The following CCAR1 variants were observed in gnomAD, a reference collection of about 807,000 sequenced individuals.
CCAR1 encodes the protein cell division cycle and apoptosis regulator protein 1.
A neutral mutation model predicts 163.8 loss-of-function variants in CCAR1; 78 were observed. That is an observed-to-expected ratio of 0.48 (90% CI 0.40 to 0.57). CCAR1 has a LOEUF of 0.57. CCAR1 is among the 20% of genes least tolerant of loss of function. The probability of loss-of-function intolerance (pLI) is 0.00; values close to 1 mark genes in which losing one functional copy is unlikely to be tolerated. For missense variants in CCAR1, 1,019 were observed against 1,365.2 expected, an observed-to-expected ratio of 0.75 and a Z score of 4.00; for synonymous variants, 443 against 460.7, an observed-to-expected ratio of 0.96 and a Z score of 0.49.
intron 19 of CCAR1, among the ~76,000 whole-genome samples, chr10:68,779,251 CAAT>C (rs2056705197): frequency 1.9e-5 from 2 of 106,580 alleles, no homozygotes; most frequent in Admixed American, 2.4e-4. Context: ...GAGCAGATAA[CAAT>C]AAGATACTTT....
chr10:68,722,060 C>T (rs2055867329), intron 1 of CCAR1, among the ~76,000 whole-genome samples: 1 of 152,136 alleles, frequency 6.6e-6, no homozygotes, highest in Admixed American at 6.6e-5. Context: ...TTTAACATTA[C>T]CCTGGCCTCA....
intron 2 of CCAR1, among the ~76,000 whole-genome samples, chr10:68,732,209 A>C (rs2056048911): frequency 6.6e-6 from 1 of 152,170 alleles, no homozygotes; most frequent in African/African-American, 2.4e-5. Flanking sequence ...AAAATGTCAA[A>C]TGCAGAACAT....
rs571958861 is a variant in CCAR1, at chr10:68,721,258, C to T, written c.-75C>T. 1 of 178,482 alleles carries T rather than the reference C, an allele frequency of 5.6e-6. No individual in the cohort carries two copies. Among genetic ancestry groups the T allele is most frequent in the African/African-American group, 2.4e-5 (1 of 41,496 alleles). 11.1% of individuals were successfully genotyped at this position (178,482 alleles called of 1,614,324 possible). On this transcript the variant is annotated 5_prime_UTR_variant, in exon 1 of 25. Coordinates refer to ENST00000265872, the MANE Select transcript of CCAR1 (RefSeq NM_018237.4). ...AAAGCTGACGGGTTTGAAATGGCTT[C>T]GATGTTAGCCGGGACCCGACTCAGG...
chr10:68,749,603 A>G lies in CCAR1; in HGVS notation c.1036A>G (p.Arg346Gly). Residue 346 changes from arginine (R) to glycine (G), a missense_variant, in exon 10 of 25, where the codon AGA (arginine) becomes GGA (glycine). This residue lies in a region of CCAR1 where 644 missense variants were observed against 904.4 expected (regional missense o/e 0.71). Coordinates refer to ENST00000265872, the MANE Select transcript of CCAR1 (RefSeq NM_018237.4). ...RKRSRERSPR[R>G]ERERSPRRVR... ...ACGTTCCCGGGAAAGATCTCCACGA[A>G]GAGAGCGAGAGCGATCACCTCGGAG... 1 of 1,614,032 alleles carries G rather than the reference A, an allele frequency of 6.2e-7. No homozygotes were observed. Among genetic ancestry groups the G allele is most frequent in the Non-Finnish European group, 8.5e-7 (1 of 1,179,876 alleles).
At chr10:68,736,800 T>A in intron 2 of CCAR1, 76 bp from the exon 3 acceptor site, 1 of 1,333,584 alleles carries the variant, frequency 7.5e-7, no homozygotes, top group Non-Finnish European at 1.0e-6. Flanking sequence ...GGGTATCTCT[T>A]CTATGTACTG....
intron 2 of CCAR1, among the ~76,000 whole-genome samples, chr10:68,724,691 A>G (rs929010838): frequency 6.6e-6 from 1 of 152,078 alleles, no homozygotes; most frequent in Non-Finnish European, 1.5e-5. Flanking sequence ...AGGTTGAGGT[A>G]GAAGGATTGC....
chr10:68,766,908 T>C (rs2056542795), intron 17 of CCAR1, among the ~76,000 whole-genome samples: 1 of 152,212 alleles, frequency 6.6e-6, no homozygotes, highest in South Asian at 2.1e-4. Flanking sequence ...ATAGATGATT[T>C]GTCCTCTAAC....
Position 68,767,308 on chromosome 10 carries a change from C to T in CCAR1, c.2298+1229C>T, listed in dbSNP as rs190667046. 3.2e-3 allele frequency among the ~76,000 whole-genome samples: 488 copies of T among 152,130 alleles called. 2 individuals are homozygous for T. The highest frequency in any genetic ancestry group is 0.017 in the Middle Eastern group (5 of 294). The stretch of plus-strand genomic sequence containing the variant: ...TTTTTGAGACAGTCTCACTTTGTTG[C>T]CCAGAATGGAATACGATGGCACAAT... On this transcript the variant is annotated intron_variant, in intron 17 of 24. Coordinates refer to ENST00000265872, the MANE Select transcript of CCAR1 (RefSeq NM_018237.4).
At chr10:68,777,970 C>T (rs2056689008) in intron 19 of CCAR1, among the ~76,000 whole-genome samples, 2 of 152,088 alleles carry the variant, frequency 1.3e-5, no homozygotes, top group African/African-American at 4.8e-5. Context: ...CCTGTAATCC[C>T]AGTACTTTGG....
rs2056816316 is a variant in CCAR1 at position 68,788,140 on chromosome 10, T to C, written c.3002-3T>C. 6.5e-6 allele frequency: 10 copies of C among 1,547,264 alleles called. No individual in the cohort carries two copies. The highest frequency in any genetic ancestry group is 1.4e-5 in the African/African-American group (1 of 71,998). The stretch of plus-strand genomic sequence containing the variant: ...CTAAAATATGGTATATTTTATATTA[T>C]AGGAAACAGATTATTACTTCCAACA... On this transcript the variant is annotated splice_region_variant and splice_polypyrimidine_tract_variant and intron_variant, in intron 22 of 24. Transcript: ENST00000265872.
chr10:68,769,607 T>G (rs2056576486), intron 17 of CCAR1, among the ~76,000 whole-genome samples: 1 of 139,102 alleles, frequency 7.2e-6, no homozygotes, highest in Non-Finnish European at 1.5e-5. Context: ...GCAACAAGAG[T>G]GAAACTCCAT....
In CCAR1 at chr10:68,788,176, A is replaced by T; in HGVS notation, c.3035A>T (p.Lys1012Met). 6.3e-7 allele frequency: 1 copy of T among 1,588,572 alleles called. No homozygotes were observed. The highest frequency in any genetic ancestry group is 8.5e-7 in the Non-Finnish European group (1 of 1,171,396). ...NRLLLPTPTVKQESKDVEENV... is the reference protein window; with the variant it reads ...NRLLLPTPTVMQESKDVEENV... ...TTATTACTTCCAACACCAACAGTAA[A>T]GCAGGAATCAAAGGATGTGGAAGAA... is the stretch of plus-strand genomic sequence containing the variant. Residue 1012 changes from lysine (K) to methionine (M), a missense_variant, in exon 23 of 25, where the codon AAG becomes ATG. Lys to Met is a moderately conservative substitution (Grantham distance 95). Transcript: ENST00000265872.
chr10:68,787,789 C>T, intron 21 of CCAR1, 138 bp from the exon 22 acceptor site: 1 of 703,644 alleles, frequency 1.4e-6, no homozygotes, highest in Non-Finnish European at 2.3e-6. Context: ...GAGTCGAGAT[C>T]ACACCACTGC....
At chr10:68,753,765 T>C (rs999140004) in intron 10 of CCAR1, 87 bp from the exon 11 acceptor site, 3 of 947,380 alleles carry the variant, frequency 3.2e-6, no homozygotes, top group Middle Eastern at 2.3e-4. Context: ...CTTTTTACTA[T>C]ATCCAGTTAT....
chr10:68,732,284 A>G (rs1045050795), intron 2 of CCAR1, among the ~76,000 whole-genome samples: 1 of 152,194 alleles, frequency 6.6e-6, no homozygotes, highest in Non-Finnish European at 1.5e-5. Flanking sequence ...ATACTTTTTC[A>G]TAGCGTCTTG....
intron 2 of CCAR1, among the ~76,000 whole-genome samples, chr10:68,735,543 T>C (rs2056098020): frequency 6.6e-6 from 1 of 152,112 alleles, no homozygotes; most frequent in Non-Finnish European, 1.5e-5. Flanking sequence ...TAGGTGGGAC[T>C]ACAGGTACCT....
rs1364678816 is a variant in CCAR1, at chr10:68,761,456, G to A, written c.2106+264G>A. The stretch of plus-strand genomic sequence containing the variant: ...CGAGTAGCTGAGATTACAGGCGCCC[G>A]CCACTACGCCTGGCTAATTTTTTGT... On this transcript the variant is annotated intron_variant, in intron 16 of 24. Transcript: ENST00000265872. 4.0e-5 allele frequency among the ~76,000 whole-genome samples: 6 copies of A among 150,922 alleles called. 1 individual carries two copies. The highest frequency in any genetic ancestry group is 1.5e-4 in the African/African-American group (6 of 41,016).
intron 10 of CCAR1, among the ~76,000 whole-genome samples, chr10:68,753,388 C>T (rs2056359366): frequency 6.6e-6 from 1 of 152,078 alleles, no homozygotes; most frequent in African/African-American, 2.4e-5. Context: ...TGTAAGTATG[C>T]TTGATCTAGG....
intron 4 of CCAR1, 147 bp from the exon 5 acceptor site, chr10:68,740,482 G>A (rs2056168424): frequency 1.5e-6 from 1 of 651,950 alleles, no homozygotes; most frequent in Non-Finnish European, 2.6e-6. Flanking sequence ...ACTACCCTGG[G>A]CAACATAGTG....
Sources: allele counts gnomAD v4.1 joint callset (sites outside exome capture counted in the v4.1 genomes callset), GRCh38; gene constraint gnomAD v4.1.1; regional missense constraint gnomAD v4.1.1; transcripts MANE v1.5; gene names NCBI Gene and HGNC (gene_info 2026-07-23, HGNC 2026-07-21).